Variants in IMMT observed in about 807,000 individuals in gnomAD.
IMMT encodes MICOS complex subunit MIC60.
Under a neutral mutation model 92.7 loss-of-function variants are expected in IMMT, and 40 were observed. The observed-to-expected ratio is 0.43, with a 90% CI of 0.34 to 0.56. The LOEUF is 0.56. Ranked by LOEUF, IMMT falls within the 20% of genes least tolerant of loss-of-function variation. The pLI is 0.03. For missense variants in IMMT, 831 were observed against 912.1 expected, an observed-to-expected ratio of 0.91 and a Z score of 1.14; for synonymous variants, 322 against 336.1, an observed-to-expected ratio of 0.96 and a Z score of 0.46.
intron 3 of IMMT, 53 bp from the exon 4 acceptor site, chr2:86,173,814 G>T: frequency 1.0e-6 from 1 of 959,948 alleles, no homozygotes; most frequent in South Asian, 1.5e-5. Flanking sequence ...TTTTTAAAAA[G>T]GTACAGTGAT....
rs543441933 is a variant in IMMT, at chr2:86,175,235, T to G, written c.310-1474A>C. Among the ~76,000 whole-genome samples, 4 of 152,302 alleles carry G rather than the reference T, an allele frequency of 2.6e-5. No individual in the cohort carries two copies. In the East Asian group the frequency reaches 7.7e-4, roughly 29 times the overall value. ...TGTTCTTGAGTAGTCTTGTACATCA[T>G]TAATTCCTCCATATAAATGTTAAAA... On this transcript the variant is annotated intron_variant, in intron 3 of 14. Coordinates refer to ENST00000410111, the MANE Select transcript of IMMT (RefSeq NM_006839.3).
chr2:86,178,040 G>C (rs1448691359), intron 3 of IMMT, among the ~76,000 whole-genome samples: 1 of 152,184 alleles, frequency 6.6e-6, no homozygotes, highest in Non-Finnish European at 1.5e-5. Flanking sequence ...TGGCGGCCAG[G>C]AGCGGTGGCT....
chr2:86,151,260 A>G (rs752875584), intron 12 of IMMT, 37 bp downstream of exon 12: 1 of 1,493,138 alleles, frequency 6.7e-7, no homozygotes, highest in Admixed American at 1.7e-5. Context: ...AGTTAGAGTC[A>G]CTTTAAATGT....
intron 1 of IMMT, among the ~76,000 whole-genome samples, chr2:86,193,477 C>T (rs1015585015): frequency 3.3e-5 from 5 of 151,456 alleles, no homozygotes; most frequent in Non-Finnish European, 4.4e-5. Flanking sequence ...ATTCTGGATA[C>T]GTTGATACAA....
At chr2:86,162,560 T>G (rs1676372702) in intron 7 of IMMT, among the ~76,000 whole-genome samples, 1 of 150,256 alleles carries the variant, frequency 6.7e-6, no homozygotes, top group Admixed American at 6.6e-5. Flanking sequence ...AAAAAAAAAG[T>G]TTTGGCCGGG....
At chr2:86,159,450 G>A in intron 9 of IMMT, 86 bp downstream of exon 9, 1 of 1,084,340 alleles carries the variant, frequency 9.2e-7, no homozygotes, top group African/African-American at 1.6e-5. Flanking sequence ...GGAGATGGTA[G>A]GAATTTGCTG....
rs1414538638 is a variant in IMMT at position 86,191,727 on chromosome 2, C to A, written c.45+3611G>T. Among the ~76,000 whole-genome samples, 4 of 143,140 alleles carry A rather than the reference C, an allele frequency of 2.8e-5. No individual in the cohort carries two copies. The East Asian group carries it at 8.2e-4, about 29-fold the overall frequency. The allele number at this position is 143,140 out of a possible 152,430, so 93.9% of individuals were successfully genotyped here. A position where few individuals can be genotyped will look rare whatever the true frequency, so the allele number is the denominator to read the frequency against. ...GACTATCCTGGCTAACACGGTGAAA[C>A]CCCGTCTCTACTAAAAATACAAAAA... On this transcript the variant is annotated intron_variant, in intron 1 of 14. Transcript: ENST00000410111.
intron 1 of IMMT, among the ~76,000 whole-genome samples, chr2:86,187,007 C>G (rs1672822360): frequency 6.6e-6 from 1 of 152,108 alleles, no homozygotes; most frequent in Non-Finnish European, 1.5e-5. Flanking sequence ...TCTGCAAATA[C>G]CTGGTGGCAG....
chr2:86,195,065 G>T, intron 1 of IMMT: 1 of 397,280 alleles, frequency 2.5e-6, no homozygotes, highest in Non-Finnish European at 4.7e-6. Flanking sequence ...GTCCTGGACG[G>T]GGGCAGCGCG....
At chr2:86,182,239 A>T (rs1247293948) in intron 1 of IMMT, among the ~76,000 whole-genome samples, 2 of 152,212 alleles carry the variant, frequency 1.3e-5, no homozygotes, top group Non-Finnish European at 2.9e-5. Flanking sequence ...GTATCTTTTT[A>T]AAAAATACTA....
rs761808803 is a variant in IMMT at position 86,147,878 on chromosome 2, T to G, written c.1402-45A>C. On this transcript the variant is annotated intron_variant, in intron 12 of 14. Transcript: ENST00000410111. ...AGTTATTAGTTTTCAATTCTCCACA[T>G]ATACTTTTAGGAAAACAGAAAGACC... 6.3e-6 allele frequency: 10 copies of G among 1,590,580 alleles called. No individual in the cohort carries two copies. In the South Asian group the frequency reaches 6.7e-5, roughly 11 times the overall value.
chr2:86,144,604 C>G lies in IMMT; in HGVS notation c.1941G>C (p.Met647Ile), dbSNP rs758095105. 6.2e-7 allele frequency: 1 copy of G among 1,614,002 alleles called. No individual in the cohort carries two copies. Among genetic ancestry groups the G allele is most frequent in the Non-Finnish European group, 8.5e-7 (1 of 1,179,898 alleles). The change falls in exon 15 of 15, where the codon ATG becomes ATC. Residue 647 changes from methionine to isoleucine, a missense_variant. Coordinates refer to ENST00000410111, the MANE Select transcript of IMMT (RefSeq NM_006839.3). ...ACAAGCTATTTCTGGTTTCATCAAT[C>G]ATTGCTACCCTTCGGGCCAGTTTTT... ...AVQKLARRVA[M>I]IDETRNSLYQ...
chr2:86,174,843 T>A (rs1245095397), intron 3 of IMMT, among the ~76,000 whole-genome samples: 6 of 152,186 alleles, frequency 3.9e-5, no homozygotes, highest in Non-Finnish European at 8.8e-5. Flanking sequence ...TTGGTCAACT[T>A]CTCCTCTATA....
At chr2:86,193,107 TAAG>T (rs1673262507) in intron 1 of IMMT, 1 of 152,324 alleles carries the variant, frequency 6.6e-6, no homozygotes, top group African/African-American at 2.4e-5. Flanking sequence ...GTAAGACATT[TAAG>T]AAGATGGGGT....
chr2:86,194,994 T>C (rs1673431936), intron 1 of IMMT: 1 of 296,470 alleles, frequency 3.4e-6, no homozygotes, highest in Non-Finnish European at 6.6e-6. Context: ...CCCGTCGACC[T>C]TCAGCACTGA....
chr2:86,148,655 T>C (rs759056673), intron 12 of IMMT, among the ~76,000 whole-genome samples: 3 of 152,064 alleles, frequency 2.0e-5, no homozygotes, highest in East Asian at 1.9e-4. Context: ...CTGGTAGTTA[T>C]TGACATAGAC....
intron 1 of IMMT, 63 bp downstream of exon 1, chr2:86,195,275 C>T (rs1673458225): frequency 2.1e-6 from 3 of 1,448,374 alleles, no homozygotes; most frequent in Non-Finnish European, 2.8e-6. Context: ...CAAGGCTCCC[C>T]CGTTTTTCGC....
rs367664790 is a variant in IMMT at position 86,166,542 on chromosome 2, G to C, written c.758C>G (p.Ser253Cys). ...NAAVQAVNAH[S>C]NILKAAMDNS... is the part of the protein sequence containing the mutation. ...GTCCATGGCGGCTTTCAATATGTTG[G>C]AGTGTGCATTGACAGCCTGGACCGC... The change falls in exon 7 of 15, where the codon TCC becomes TGC. Residue 253 changes from serine (S) to cysteine (C), a missense_variant. Ser to Cys is a moderately radical substitution (Grantham distance 112). Transcript: ENST00000410111. 6.2e-7 allele frequency: 1 copy of C among 1,612,788 alleles called. No homozygotes were observed.
chr2:86,144,933 T>C, intron 14 of IMMT, 52 bp from the exon 15 acceptor site: 3 of 1,535,980 alleles, frequency 2.0e-6, no homozygotes, highest in South Asian at 1.3e-5. Flanking sequence ...TCTGACAACA[T>C]ACATCCACAG....
Sources: gnomAD v4.1 joint callset for allele counts (sites outside exome capture counted in the v4.1 genomes callset) on GRCh38, gnomAD v4.1.1 for gene constraint, MANE v1.5 for transcripts, NCBI Gene and HGNC (gene_info 2026-07-23, HGNC 2026-07-21) for gene names.